The following TMEM117 variants were observed in gnomAD, a reference collection of about 807,000 sequenced individuals.
TMEM117 encodes the protein transmembrane protein 117.
Under a neutral mutation model 52.4 loss-of-function variants are expected in TMEM117, and 27 were observed. The ratio of observed to expected loss-of-function variants is 0.51; its 90% CI spans 0.38 to 0.71. The LOEUF (loss-of-function observed/expected upper bound fraction) is 0.71. Ranked by LOEUF, TMEM117 falls within the 30% of genes least tolerant of loss-of-function variation. The pLI is 0.00. For synonymous variants in TMEM117, 215 were observed against 206.3 expected (o/e 1.04, Z -0.36); for missense variants, 556 against 630.5 (o/e 0.88, Z 1.26).
intron 5 of TMEM117, among the ~76,000 whole-genome samples, chr12:44,218,777 G>C (rs1050275771): frequency 3.9e-5 from 6 of 152,094 alleles, no homozygotes; most frequent in African/African-American, 1.4e-4. Flanking sequence ...TTCTATTCTA[G>C]GGCAACTATC....
chr12:44,101,647 A>T (rs1565827956), intron 3 of TMEM117, among the ~76,000 whole-genome samples: 2 of 151,874 alleles, frequency 1.3e-5, no homozygotes. Flanking sequence ...TAAAACATCC[A>T]TTGCGCAATG....
At chr12:44,328,592 A>G (rs1565720246) in intron 6 of TMEM117, among the ~76,000 whole-genome samples, 1 of 152,120 alleles carries the variant, frequency 6.6e-6, no homozygotes, top group Non-Finnish European at 1.5e-5. Flanking sequence ...ACAATCACTG[A>G]TATAACTTAT....
chr12:44,268,385 C>G (rs1312889027), intron 5 of TMEM117, among the ~76,000 whole-genome samples: 2 of 152,006 alleles, frequency 1.3e-5, no homozygotes, highest in Non-Finnish European at 2.9e-5. Context: ...CTCAGGTGAT[C>G]CACCCGCCTC....
chr12:44,212,538 A>T (rs756648902), intron 5 of TMEM117, among the ~76,000 whole-genome samples: 1 of 152,166 alleles, frequency 6.6e-6, no homozygotes, highest in African/African-American at 2.4e-5. Context: ...AACATATCGT[A>T]TGCTGAGAAA....
the TMEM117 span, chr12:43,802,613 A>C: frequency 6.4e-6 from 4 of 622,448 alleles, no homozygotes; most frequent in East Asian, 1.2e-4. Flanking sequence ...GTAACATAGA[A>C]AGTAATTATG....
intron 5 of TMEM117, among the ~76,000 whole-genome samples, chr12:44,235,372 CTT>C (rs199764314): frequency 4.9e-5 from 7 of 142,792 alleles, no homozygotes; most frequent in Non-Finnish European, 4.6e-5. Context: ...ATCTGAAAAT[CTT>C]TTTTTTTTTT....
intron 3 of TMEM117, among the ~76,000 whole-genome samples, chr12:44,086,458 G>T (rs755991246): frequency 1.3e-5 from 2 of 151,826 alleles, no homozygotes; most frequent in Non-Finnish European, 2.9e-5. Flanking sequence ...CTCGTGATCC[G>T]CCCCTCTCAG....
intron 3 of TMEM117, among the ~76,000 whole-genome samples, chr12:43,966,633 G>T (rs1945490432): frequency 6.6e-6 from 1 of 152,120 alleles, no homozygotes; most frequent in South Asian, 2.1e-4. Flanking sequence ...GCCAAGTTCA[G>T]TACTATTAAT....
chr12:44,229,406 A>C (rs1350371755), intron 5 of TMEM117, among the ~76,000 whole-genome samples: 9 of 152,104 alleles, frequency 5.9e-5, no homozygotes, highest in African/African-American at 2.2e-4. Context: ...TTTTTACCTC[A>C]GAGTCACCCC....
intron 4 of TMEM117, among the ~76,000 whole-genome samples, chr12:44,168,171 T>C (rs1948995302): frequency 6.6e-6 from 1 of 151,804 alleles, no homozygotes; most frequent in Non-Finnish European, 1.5e-5. Context: ...GAAGAATCCT[T>C]GAACCCGGGA....
chr12:43,806,341 G>A, the TMEM117 span: 4 of 1,275,576 alleles, frequency 3.1e-6, no homozygotes, highest in Non-Finnish European at 3.9e-6. Flanking sequence ...CGGCCCCGGC[G>A]CGTCATCCGC....
At chr12:44,345,131 G>C (rs1951467900) in intron 6 of TMEM117, among the ~76,000 whole-genome samples, 1 of 152,100 alleles carries the variant, frequency 6.6e-6, no homozygotes, top group South Asian at 2.1e-4. Flanking sequence ...GCCCAGAAGA[G>C]AAGGAGTAGG....
At chr12:43,921,511 G>A (rs1010920698) in intron 2 of TMEM117, among the ~76,000 whole-genome samples, 8 of 152,272 alleles carry the variant, frequency 5.3e-5, no homozygotes, top group African/African-American at 1.7e-4. Flanking sequence ...CAAAATGGGA[G>A]CAATTATACT....
rs537848036 is a variant in TMEM117, at chr12:44,272,576, T to G, written c.609-27004T>G. Among the ~76,000 whole-genome samples the G allele has an allele frequency of 2.6e-5, 4 of 152,268 alleles. No homozygotes were observed. In the South Asian group the frequency reaches 8.3e-4, roughly 32 times the overall value. ...TGGGCGAAGGATATGAACAAGACAC[T>G]TCTCAAAAGAAGACATTTATGCAGC... On this transcript the variant is annotated intron_variant, in intron 5 of 7. Coordinates refer to ENST00000266534, the MANE Select transcript of TMEM117 (RefSeq NM_032256.3).
At chr12:44,262,235 G>A (rs983810832) in intron 5 of TMEM117, among the ~76,000 whole-genome samples, 3 of 152,090 alleles carry the variant, frequency 2.0e-5, no homozygotes, top group Non-Finnish European at 4.4e-5. Context: ...CACACTATGC[G>A]GTGTGTATGT....
intron 5 of TMEM117, among the ~76,000 whole-genome samples, chr12:44,259,515 G>A (rs1950297412): frequency 6.6e-6 from 1 of 152,002 alleles, no homozygotes; most frequent in Admixed American, 6.6e-5. Context: ...TTCTTTCAAG[G>A]AGTTATGTTA....
intron 5 of TMEM117, among the ~76,000 whole-genome samples, chr12:44,297,792 C>T (rs1247053306): frequency 6.6e-6 from 1 of 152,060 alleles, no homozygotes; most frequent in Non-Finnish European, 1.5e-5. Context: ...AACACATAGA[C>T]TTAACCTGGA....
chr12:44,343,113 T>G (rs1370585171), intron 6 of TMEM117, among the ~76,000 whole-genome samples: 3 of 151,982 alleles, frequency 2.0e-5, no homozygotes, highest in Non-Finnish European at 4.4e-5. Context: ...TTTTTTTTAT[T>G]TTTTATTTTT....
chr12:43,930,711 G>A (rs1437053386), intron 2 of TMEM117, among the ~76,000 whole-genome samples: 2 of 152,146 alleles, frequency 1.3e-5, no homozygotes, highest in African/African-American at 2.4e-5. Context: ...TATGACATCC[G>A]TTGTTGCTGT....
Sources: gnomAD v4.1 joint callset for allele counts (sites outside exome capture counted in the v4.1 genomes callset) on GRCh38, gnomAD v4.1.1 for gene constraint, MANE v1.5 for transcripts, NCBI Gene and HGNC (gene_info 2026-07-23, HGNC 2026-07-21) for gene names.